Variants in DIP2C observed in about 807,000 individuals in gnomAD.
DIP2C encodes the protein DIP2 acetate--CoA ligase C (putative).
Under a neutral mutation model 192.4 loss-of-function variants are expected in DIP2C, and 33 were observed. The ratio of observed to expected loss-of-function variants is 0.17; its 90% CI spans 0.13 to 0.23. The LOEUF (loss-of-function observed/expected upper bound fraction) is 0.23, where lower values mean the gene tolerates loss of function less well. DIP2C is among the 10% of genes least tolerant of loss of function. The pLI, the probability that DIP2C is intolerant of heterozygous loss-of-function variation, is 1.00. For synonymous variants in DIP2C, 979 were observed against 864.1 expected, an observed-to-expected ratio of 1.13 and a Z score of -2.33; for missense variants, 1,537 against 2,110.1, an observed-to-expected ratio of 0.73 and a Z score of 5.32.
chr10:667,707 A>G (rs1857182074), intron 1 of DIP2C: 3 of 151,778 alleles, frequency 2.0e-5, no homozygotes, highest in African/African-American at 7.3e-5. Context: ...CAGCACACGT[A>G]ACACATACAA....
At chr10:677,942 C>T (rs543674341) in intron 1 of DIP2C, among the ~76,000 whole-genome samples, 1 of 152,216 alleles carries the variant, frequency 6.6e-6, no homozygotes, top group Non-Finnish European at 1.5e-5. Flanking sequence ...ATGAGGATGC[C>T]CCACGTCACC....
chr10:655,052 CAGG>C (rs1856195307), intron 1 of DIP2C, among the ~76,000 whole-genome samples: 1 of 152,124 alleles, frequency 6.6e-6, no homozygotes, highest in African/African-American at 2.4e-5. Context: ...GGAACTTGCT[CAGG>C]GGGCTTGCCT....
intron 1 of DIP2C, among the ~76,000 whole-genome samples, chr10:539,285 G>A (rs1020146619): frequency 1.3e-5 from 2 of 152,140 alleles, no homozygotes; most frequent in Admixed American, 1.3e-4. Flanking sequence ...CAGGCCTGTG[G>A]ATTCAACCAA....
chr10:628,267 A>G (rs905854430), intron 1 of DIP2C, among the ~76,000 whole-genome samples: 8 of 152,252 alleles, frequency 5.3e-5, no homozygotes, highest in Non-Finnish European at 1.0e-4. Flanking sequence ...TCCATAAATC[A>G]GCCAGAAATG....
chr10:656,144 A>AT (rs58197499), intron 1 of DIP2C, among the ~76,000 whole-genome samples: 16 of 9,966 alleles, frequency 1.6e-3, no homozygotes, highest in East Asian at 3.9e-3. Context: ...ACTATACTAT[A>AT]AGTTACACTG....
chr10:373,482 T>C (rs749746826), intron 17 of DIP2C, among the ~76,000 whole-genome samples: 14 of 152,002 alleles, frequency 9.2e-5, no homozygotes, highest in Non-Finnish European at 1.8e-4. Context: ...AAAAGCTGAG[T>C]GTTGGGAGAA....
intron 1 of DIP2C, among the ~76,000 whole-genome samples, chr10:579,282 CCA>C (rs1173232513): frequency 3.3e-5 from 5 of 151,172 alleles, no homozygotes; most frequent in African/African-American, 4.9e-5. Flanking sequence ...ATACACACAT[CCA>C]GATTCATGTA....
At chr10:297,769 C>T (rs1160553410) in intron 32 of DIP2C, among the ~76,000 whole-genome samples, 3 of 152,100 alleles carry the variant, frequency 2.0e-5, no homozygotes, top group Admixed American at 2.0e-4. Flanking sequence ...ATGACTATAA[C>T]TAACAGTAAT....
chr10:342,553 T>C (rs1958208577), intron 28 of DIP2C, among the ~76,000 whole-genome samples: 1 of 152,194 alleles, frequency 6.6e-6, no homozygotes, highest in Non-Finnish European at 1.5e-5. Flanking sequence ...TTCACGGCTA[T>C]CTCCACGGCT....
chr10:626,444 CCCCCCGTCCCCGGAGTTACCCTCCGT>C (rs1211678266), intron 1 of DIP2C, among the ~76,000 whole-genome samples: 50 of 148,558 alleles, frequency 3.4e-4, no homozygotes, highest in Admixed American at 1.6e-3. Context: ...TACCCTCCGT[CCCCCCGTCCCCGGAGTTACCCTCCGT>C]CCCCCGTCCC....
At chr10:449,344 G>A (rs575070750) in intron 3 of DIP2C, among the ~76,000 whole-genome samples, 17 of 152,234 alleles carry the variant, frequency 1.1e-4, no homozygotes, top group African/African-American at 3.4e-4. Context: ...CAAAATTAAC[G>A]ATCAAGTAAA....
intron 1 of DIP2C, among the ~76,000 whole-genome samples, chr10:671,670 CA>C (rs1275739486): frequency 1.9e-5 from 2 of 107,822 alleles, no homozygotes; most frequent in Non-Finnish European, 3.7e-5. Flanking sequence ...GAGGAAACGT[CA>C]CAGACGCACC....
chr10:553,160 C>T (rs1262523589), intron 1 of DIP2C, among the ~76,000 whole-genome samples: 2 of 152,250 alleles, frequency 1.3e-5, no homozygotes, highest in East Asian at 3.8e-4. Context: ...AGCATCCCCA[C>T]ATGGGCACTG....
intron 4 of DIP2C, among the ~76,000 whole-genome samples, chr10:428,149 TTA>T (rs1438800021): frequency 6.6e-6 from 1 of 152,140 alleles, no homozygotes; most frequent in Non-Finnish European, 1.5e-5. Flanking sequence ...CGTGGACATT[TTA>T]TGATTTTATA....
chr10:674,765 A>C (rs1830796970), intron 1 of DIP2C, among the ~76,000 whole-genome samples: 1 of 37,776 alleles, frequency 2.6e-5, no homozygotes. Context: ...GCAAAACTCC[A>C]TCTCAAATAT....
At chr10:447,773 C>A (rs1968398958) in intron 3 of DIP2C, among the ~76,000 whole-genome samples, 1 of 108,192 alleles carries the variant, frequency 9.2e-6, no homozygotes, top group East Asian at 2.7e-4. Flanking sequence ...TCATCCCCGT[C>A]TATACTCAGG....
At chr10:445,805 C>A (rs1299903527) in intron 3 of DIP2C, among the ~76,000 whole-genome samples, 2 of 148,934 alleles carry the variant, frequency 1.3e-5, no homozygotes, top group Non-Finnish European at 3.0e-5. Context: ...AAGAGTCTCA[C>A]GGTCCACTGG....
At chr10:425,410 G>C (rs1243953972) in intron 4 of DIP2C, among the ~76,000 whole-genome samples, 1 of 147,724 alleles carries the variant, frequency 6.8e-6, no homozygotes, top group Non-Finnish European at 1.5e-5. Flanking sequence ...TGACACGGAT[G>C]ATACGGCATG....
intron 4 of DIP2C, among the ~76,000 whole-genome samples, chr10:435,985 G>C (rs1589792238): frequency 6.6e-6 from 1 of 151,586 alleles, no homozygotes; most frequent in East Asian, 1.9e-4. Context: ...ATATAAACAG[G>C]TACAATTAAT....
Sources: gnomAD v4.1 joint callset for allele counts (sites outside exome capture counted in the v4.1 genomes callset) on GRCh38, gnomAD v4.1.1 for gene constraint, MANE v1.5 for transcripts, NCBI Gene and HGNC (gene_info 2026-07-23, HGNC 2026-07-21) for gene names.